Variants in PLCB1 observed in about 807,000 individuals in gnomAD.
PLCB1 encodes the protein 1-phosphatidylinositol 4,5-bisphosphate phosphodiesterase beta-1.
PLCB1 carries 46 observed loss-of-function variants against 161.8 expected under a neutral mutation model. The ratio of observed to expected loss-of-function variants is 0.28; its 90% CI spans 0.22 to 0.36. The LOEUF (loss-of-function observed/expected upper bound fraction) is 0.36, where lower values mean the gene tolerates loss of function less well. Ranked by LOEUF, PLCB1 falls within the 10% of genes least tolerant of loss-of-function variation. PLCB1 has a pLI of 1.00. For synonymous variants in PLCB1, 517 were observed against 503.7 expected (o/e 1.03, Z -0.35); for missense variants, 1,016 against 1,472.5 (o/e 0.69, Z 5.07).
chr20:8,353,252 A>C (rs1986242119), intron 2 of PLCB1, among the ~76,000 whole-genome samples: 1 of 152,158 alleles, frequency 6.6e-6, no homozygotes. Flanking sequence ...TAAGCAACAA[A>C]ATAAAGATGT....
At chr20:8,472,850 C>T (rs964712530) in intron 3 of PLCB1, among the ~76,000 whole-genome samples, 14 of 152,206 alleles carry the variant, frequency 9.2e-5, no homozygotes, top group Admixed American at 3.3e-4. Context: ...AGATAAACCC[C>T]CACATCTCAG....
At chr20:8,384,874 TG>T (rs1337761598) in intron 3 of PLCB1, among the ~76,000 whole-genome samples, 1 of 152,184 alleles carries the variant, frequency 6.6e-6, no homozygotes, top group African/African-American at 2.4e-5. Flanking sequence ...TCAAGGAGGC[TG>T]TAGGACAGCA....
At chr20:8,383,499 G>A (rs1256488221) in intron 3 of PLCB1, among the ~76,000 whole-genome samples, 1 of 152,156 alleles carries the variant, frequency 6.6e-6, no homozygotes, top group African/African-American at 2.4e-5. Flanking sequence ...TTGCCAGTCT[G>A]TGTCTTTTAA....
chr20:8,488,615 T>G (rs1387999299), intron 3 of PLCB1, among the ~76,000 whole-genome samples: 1 of 152,142 alleles, frequency 6.6e-6, no homozygotes, highest in Non-Finnish European at 1.5e-5. Context: ...TAATTGAGAT[T>G]TCTCTAAACA....
intron 31 of PLCB1, among the ~76,000 whole-genome samples, chr20:8,809,083 A>G (rs990857396): frequency 4.6e-5 from 7 of 152,010 alleles, no homozygotes; most frequent in African/African-American, 9.7e-5. Context: ...TGCAGCCTCA[A>G]TTTCCCGAGG....
intron 3 of PLCB1, among the ~76,000 whole-genome samples, chr20:8,560,208 G>C (rs1448507479): frequency 2.0e-5 from 3 of 151,964 alleles, no homozygotes; most frequent in African/African-American, 7.2e-5. Context: ...AGATGCTCAT[G>C]CTGCTGGTTT....
chr20:8,657,342 T>C, intron 8 of PLCB1, 58 bp downstream of exon 8: 2 of 996,120 alleles, frequency 2.0e-6, no homozygotes, highest in Non-Finnish European at 3.2e-6. Flanking sequence ...CTCAGGTGGC[T>C]AGAGCAGGAC....
intron 11 of PLCB1, among the ~76,000 whole-genome samples, chr20:8,704,250 G>A (rs1036768671): frequency 2.6e-5 from 4 of 151,970 alleles, no homozygotes; most frequent in Non-Finnish European, 5.9e-5. Context: ...AGCTGCCTGG[G>A]AGCTGAGGCA....
chr20:8,477,589 C>A (rs893550112), intron 3 of PLCB1, among the ~76,000 whole-genome samples: 2 of 152,154 alleles, frequency 1.3e-5, no homozygotes, highest in Admixed American at 6.5e-5. Flanking sequence ...GTTCGTGGTT[C>A]TGCAGGCTGT....
chr20:8,632,027 TTTTTTTGC>T lies in PLCB1; in HGVS notation c.384+3603_384+3610del, dbSNP rs1568537344. Among the ~76,000 whole-genome samples the T allele has an allele frequency of 3.5e-4, 32 of 91,204 alleles. 1 individual carries two copies. Among genetic ancestry groups the T allele is most frequent in the East Asian group, 1.1e-3 (4 of 3,722 alleles). The allele number at this position is 91,204 out of a possible 152,430, so 59.8% of individuals were successfully genotyped here. ...ACTCCTGGAGGAGACAAATATGGGT[TTTTTTTGC>T]TTTTTTTTTTTTTTTTTTTTTTTTT... On this transcript the variant is annotated intron_variant, in intron 4 of 31. Transcript: ENST00000338037.
At chr20:8,548,123 C>T (rs957108256) in intron 3 of PLCB1, among the ~76,000 whole-genome samples, 4 of 149,600 alleles carry the variant, frequency 2.7e-5, no homozygotes, top group Non-Finnish European at 4.5e-5. Context: ...CCTTCCTTTT[C>T]TTTTTTTCCA....
chr20:8,651,207 C>A (rs1568546857), intron 7 of PLCB1, among the ~76,000 whole-genome samples: 1 of 152,094 alleles, frequency 6.6e-6, no homozygotes, highest in Non-Finnish European at 1.5e-5. Context: ...TCAAAATGTG[C>A]CAGCAATGTT....
intron 1 of PLCB1, among the ~76,000 whole-genome samples, chr20:8,139,630 G>A (rs2051383535): frequency 6.6e-6 from 1 of 152,040 alleles, no homozygotes; most frequent in Non-Finnish European, 1.5e-5. Flanking sequence ...AAGAGTAAGG[G>A]AAATTTAATT....
At chr20:8,654,461 A>G (rs1321511781) in intron 7 of PLCB1, among the ~76,000 whole-genome samples, 3 of 152,086 alleles carry the variant, frequency 2.0e-5, no homozygotes, top group African/African-American at 7.2e-5. Context: ...TTAGGTATCT[A>G]TTATATACCA....
At chr20:8,792,807 G>A in intron 31 of PLCB1, 2 of 354,744 alleles carry the variant, frequency 5.6e-6, no homozygotes, top group Non-Finnish European at 1.1e-5. Flanking sequence ...AGGACATGGT[G>A]GTTAATAAAG....
intron 2 of PLCB1, among the ~76,000 whole-genome samples, chr20:8,341,909 C>A (rs543235194): frequency 6.6e-6 from 1 of 151,986 alleles, no homozygotes; most frequent in Admixed American, 6.6e-5. Flanking sequence ...AGATAACTTG[C>A]CTTGATTCCA....
chr20:8,233,484 C>T (rs193027097), intron 2 of PLCB1, among the ~76,000 whole-genome samples: 99 of 152,200 alleles, frequency 6.5e-4, no homozygotes, highest in Middle Eastern at 3.4e-3. Context: ...TCGAAAATAG[C>T]GGAAACCCTC....
chr20:8,525,341 A>C (rs1984541490), intron 3 of PLCB1, among the ~76,000 whole-genome samples: 2 of 152,054 alleles, frequency 1.3e-5, no homozygotes, highest in Admixed American at 1.3e-4. Flanking sequence ...TATAATCAGT[A>C]TTAAGGATTT....
chr20:8,483,344 A>G (rs1484083199), intron 3 of PLCB1, among the ~76,000 whole-genome samples: 1 of 152,174 alleles, frequency 6.6e-6, no homozygotes, highest in Non-Finnish European at 1.5e-5. Flanking sequence ...ATACCTTATA[A>G]ATGCAGGTCT....
Sources: allele counts gnomAD v4.1 joint callset (sites outside exome capture counted in the v4.1 genomes callset), GRCh38; gene constraint gnomAD v4.1.1; transcripts MANE v1.5; gene names NCBI Gene and HGNC (gene_info 2026-07-23, HGNC 2026-07-21).